Variants in GRID2 observed in about 807,000 individuals in gnomAD.
GRID2 encodes the protein glutamate receptor ionotropic, delta-2.
GRID2 carries 33 observed loss-of-function variants against 114.8 expected under a neutral mutation model. The ratio of observed to expected loss-of-function variants is 0.29; its 90% confidence interval spans 0.22 to 0.38. The LOEUF is 0.38. GRID2 is among the 10% of genes least tolerant of loss of function. The pLI, the probability that GRID2 is intolerant of heterozygous loss-of-function variation, is 1.00. For missense variants in GRID2, 1,184 were observed against 1,257.7 expected, an observed-to-expected ratio of 0.94 and a Z score of 0.89; for synonymous variants, 505 against 449.9, an observed-to-expected ratio of 1.12 and a Z score of -1.55.
At chr4:92,938,082 T>C (rs1244664574) in intron 2 of GRID2, among the ~76,000 whole-genome samples, 1 of 146,904 alleles carries the variant, frequency 6.8e-6, no homozygotes, top group Non-Finnish European at 1.5e-5. Context: ...AAATGCTCTT[T>C]ATGCATGAAC....
At chr4:92,754,667 T>C (rs1210168483) in intron 2 of GRID2, among the ~76,000 whole-genome samples, 1 of 152,148 alleles carries the variant, frequency 6.6e-6, no homozygotes. Flanking sequence ...ATAGCTTTGA[T>C]GTGTTTAAAT....
chr4:92,468,992 C>T (rs189051440), intron 1 of GRID2, among the ~76,000 whole-genome samples: 243 of 152,274 alleles, frequency 1.6e-3, no homozygotes, highest in Non-Finnish European at 2.2e-3. Context: ...ACACACATTT[C>T]TGAGTGGAAG....
chr4:93,289,087 T>C (rs1753476192), intron 8 of GRID2, among the ~76,000 whole-genome samples: 1 of 152,240 alleles, frequency 6.6e-6, no homozygotes. Context: ...TTTTAAATGA[T>C]AAATTCATTG....
At chr4:92,339,010 G>A (rs1412336864) in intron 1 of GRID2, among the ~76,000 whole-genome samples, 1 of 151,868 alleles carries the variant, frequency 6.6e-6, no homozygotes, top group Non-Finnish European at 1.5e-5. Context: ...TAATCTTTAG[G>A]TGTGAAATAC....
chr4:93,594,722 C>T (rs1738859529), intron 13 of GRID2, among the ~76,000 whole-genome samples: 1 of 152,212 alleles, frequency 6.6e-6, no homozygotes, highest in African/African-American at 2.4e-5. Flanking sequence ...TGGGGTAGGA[C>T]CCTCTGAGCC....
intron 13 of GRID2, 134 bp downstream of exon 13, chr4:93,515,545 A>G (rs548825901): frequency 3.2e-6 from 2 of 624,358 alleles, no homozygotes; most frequent in South Asian, 4.0e-5. Flanking sequence ...TTCCTGTTAC[A>G]ATGCATCTTA....
chr4:93,015,078 A>G (rs1302986415), intron 2 of GRID2, among the ~76,000 whole-genome samples: 1 of 152,208 alleles, frequency 6.6e-6, no homozygotes, highest in Non-Finnish European at 1.5e-5. Flanking sequence ...GGTTCTTAAC[A>G]GAGAGGCTTC....
At chr4:93,799,945 T>A (rs1387663548) in intron 1 of GRID2, among the ~76,000 whole-genome samples, 3 of 152,208 alleles carry the variant, frequency 2.0e-5, no homozygotes, top group African/African-American at 7.2e-5. Context: ...ATCAAATAAA[T>A]GAAAACATCG....
intron 4 of GRID2, among the ~76,000 whole-genome samples, chr4:93,132,558 A>C (rs1374566185): frequency 2.0e-5 from 3 of 152,140 alleles, no homozygotes; most frequent in Non-Finnish European, 4.4e-5. Flanking sequence ...CTGGGCCCTT[A>C]AGGGATGGAA....
At chr4:93,462,004 T>G (rs2149421322) in intron 11 of GRID2, among the ~76,000 whole-genome samples, 1 of 152,288 alleles carries the variant, frequency 6.6e-6, no homozygotes, top group East Asian at 1.9e-4. Flanking sequence ...ATTTCAGAAT[T>G]ATCTTCAGAT....
chr4:92,439,671 C>T (rs1287029876), intron 1 of GRID2, among the ~76,000 whole-genome samples: 1 of 144,074 alleles, frequency 6.9e-6, no homozygotes, highest in Non-Finnish European at 1.6e-5. Context: ...CGGTTTTGTG[C>T]GAATTGAAAA....
At chr4:93,796,960 T>C (rs1035667941) in intron 1 of GRID2, among the ~76,000 whole-genome samples, 4 of 152,190 alleles carry the variant, frequency 2.6e-5, no homozygotes, top group South Asian at 2.1e-4. Context: ...ATTTCACAGT[T>C]TTGTAAACAT....
At chr4:92,499,762 G>A (rs141237660) in intron 1 of GRID2, among the ~76,000 whole-genome samples, 6 of 152,138 alleles carry the variant, frequency 3.9e-5, no homozygotes, top group East Asian at 1.9e-4. Context: ...TTACAGGGAC[G>A]CACCACCATG....
intron 2 of GRID2, among the ~76,000 whole-genome samples, chr4:93,044,160 T>C (rs139290408): frequency 2.0e-5 from 3 of 152,156 alleles, no homozygotes; most frequent in Admixed American, 6.6e-5. Flanking sequence ...AATGATCCTT[T>C]GATTTAGACA....
intron 10 of GRID2, among the ~76,000 whole-genome samples, chr4:93,443,130 C>T (rs1721773257): frequency 6.6e-6 from 1 of 152,024 alleles, no homozygotes; most frequent in Non-Finnish European, 1.5e-5. Flanking sequence ...CACCAAGCTA[C>T]TGCTCTTTTT....
intron 2 of GRID2, among the ~76,000 whole-genome samples, chr4:92,725,928 GA>G (rs1339815852): frequency 6.6e-6 from 1 of 152,050 alleles, no homozygotes; most frequent in East Asian, 1.9e-4. Flanking sequence ...AGCACAAAAT[GA>G]AGAATAAATT....
intron 2 of GRID2, among the ~76,000 whole-genome samples, chr4:93,034,541 G>A (rs115168270): frequency 4.3e-4 from 65 of 152,186 alleles, no homozygotes; most frequent in African/African-American, 1.4e-3. Flanking sequence ...ACTTCTACAC[G>A]GCACGTCTGT....
intron 9 of GRID2, among the ~76,000 whole-genome samples, chr4:93,413,473 G>A (rs1322901183): frequency 6.6e-6 from 1 of 152,040 alleles, no homozygotes; most frequent in East Asian, 1.9e-4. Context: ...TTGTGAATTT[G>A]TTTTCTGGAA....
chr4:93,554,661 A>T (rs1734125922), intron 13 of GRID2, among the ~76,000 whole-genome samples: 1 of 152,074 alleles, frequency 6.6e-6, no homozygotes, highest in Admixed American at 6.6e-5. Flanking sequence ...GAGTGCAGTG[A>T]TGCAATCCTA....
Sources: gnomAD v4.1 joint callset for allele counts (sites outside exome capture counted in the v4.1 genomes callset) on GRCh38, gnomAD v4.1.1 for gene constraint, MANE v1.5 for transcripts, NCBI Gene and HGNC (gene_info 2026-07-23, HGNC 2026-07-21) for gene names.